The following EPHX1 variants were observed in gnomAD, a reference collection of about 807,000 sequenced individuals.
EPHX1 encodes epoxide hydratase.
In EPHX1, 40 loss-of-function variants were observed where a neutral mutation model predicts 43.2. The observed-to-expected ratio is 0.93, with a 90% CI of 0.72 to 1.21. The LOEUF is 1.21. EPHX1 is among the 50% of genes most tolerant of loss of function. The pLI is 0.00. For synonymous variants in EPHX1, 221 were observed against 226.7 expected (o/e 0.98, Z 0.22); for missense variants, 550 against 570.4 (o/e 0.96, Z 0.36).
chr1:225,814,496 G>T (rs1666629123), intron 1 of EPHX1, among the ~76,000 whole-genome samples: 1 of 152,250 alleles, frequency 6.6e-6, no homozygotes, highest in African/African-American at 2.4e-5. Context: ...GCGGTTGGGG[G>T]TGCCCAGACA....
At chr1:225,829,004 C>T (rs1215699983) in intron 2 of EPHX1, 92 bp downstream of exon 2, 100 of 1,428,596 alleles carry the variant, frequency 7.0e-5, no homozygotes, top group Non-Finnish European at 9.3e-5. Context: ...CGGGAGGGGA[C>T]GGGGGCTTGG....
chr1:225,839,366 GGTGTGTGTGTGTGTGTGTGTGTGTGT>G lies in EPHX1; in HGVS notation c.722+31_722+56del. 5.8e-6 allele frequency: 9 copies of G among 1,559,614 alleles called. No homozygotes were observed. The highest frequency in any genetic ancestry group is 2.8e-5 in the African/African-American group (2 of 70,516). On this transcript the variant is annotated intron_variant, in intron 5 of 8. Transcript: ENST00000272167. ...GCCCAGGTGAGGTCACTGTTGGGGT[GGTGTGTGTGTGTGTGTGTGTGTGTGT>G]GTGTGTGTGTCCTCTAAGAAGTGGA... is the stretch of plus-strand genomic sequence containing the variant.
chr1:225,819,071 CA>C (rs71792528), intron 1 of EPHX1, among the ~76,000 whole-genome samples: 36,056 of 64,144 alleles, frequency 0.56, 11,003 homozygotes, highest in East Asian at 1. Flanking sequence ...GCTAAAAATA[CA>C]AAAAATTAGC....
At chr1:225,814,109 A>G (rs894606107) in intron 1 of EPHX1, among the ~76,000 whole-genome samples, 1 of 152,224 alleles carries the variant, frequency 6.6e-6, no homozygotes, top group Non-Finnish European at 1.5e-5. Context: ...TCTTTTTAAA[A>G]CAGAAAAAGT....
chr1:225,823,250 T>C (rs1212708279), intron 1 of EPHX1, among the ~76,000 whole-genome samples: 2 of 152,064 alleles, frequency 1.3e-5, no homozygotes, highest in Non-Finnish European at 1.5e-5. Context: ...CAGGCTGATA[T>C]TGAATTCCTG....
At chr1:225,830,704 A>AT (rs1248274218) in intron 2 of EPHX1, among the ~76,000 whole-genome samples, 1 of 152,098 alleles carries the variant, frequency 6.6e-6, no homozygotes, top group Admixed American at 6.5e-5. Flanking sequence ...ACTTCAAGTG[A>AT]TCCACCTGCC....
chr1:225,816,839 A>G (rs1218851809), intron 1 of EPHX1, among the ~76,000 whole-genome samples: 1 of 152,190 alleles, frequency 6.6e-6, no homozygotes, highest in Non-Finnish European at 1.5e-5. Context: ...GGCTCCCTCA[A>G]CCACATTGGC....
In EPHX1 at chr1:225,840,068, C is replaced by A. The variant is rs924981761; in HGVS notation, c.931+31C>A. 10 of 1,608,938 alleles carry A rather than the reference C, an allele frequency of 6.2e-6. No homozygotes were observed. In the African/African-American group the frequency reaches 1.3e-4, roughly 21 times the overall value. Reference sequence around the variant, plus strand: ...TGTGCTCAGGGGTCCTCGCCCACTGCCGGCTCCACTGGGGCAGGGAGACAC... The same window carrying A: ...TGTGCTCAGGGGTCCTCGCCCACTGACGGCTCCACTGGGGCAGGGAGACAC... On this transcript the variant is annotated intron_variant, in intron 6 of 8. Transcript: ENST00000272167.
chr1:225,828,614 G>T (rs1256480977), intron 1 of EPHX1, 111 bp from the exon 2 acceptor site: 5 of 881,036 alleles, frequency 5.7e-6, no homozygotes, highest in Non-Finnish European at 8.9e-6. Flanking sequence ...AATAAAATCA[G>T]GGACAGGGTT....
At chr1:225,823,491 T>G (rs1387334924) in intron 1 of EPHX1, among the ~76,000 whole-genome samples, 1 of 152,220 alleles carries the variant, frequency 6.6e-6, no homozygotes, top group Non-Finnish European at 1.5e-5. Flanking sequence ...TTCCCCAGAC[T>G]CAGTCACTCG....
At chr1:225,821,217 A>T (rs1666965311) in intron 1 of EPHX1, among the ~76,000 whole-genome samples, 1 of 152,128 alleles carries the variant, frequency 6.6e-6, no homozygotes, top group Non-Finnish European at 1.5e-5. Context: ...AACAAATATT[A>T]AGTTCCATTA....
chr1:225,833,074 C>T (rs998838538), intron 3 of EPHX1, among the ~76,000 whole-genome samples: 1 of 152,186 alleles, frequency 6.6e-6, no homozygotes, highest in African/African-American at 2.4e-5. Flanking sequence ...CTCACCACAG[C>T]CTCGAACTCC....
At chr1:225,813,244 GC>G (rs1180177497) in intron 1 of EPHX1, among the ~76,000 whole-genome samples, 1 of 152,184 alleles carries the variant, frequency 6.6e-6, no homozygotes, top group Admixed American at 6.5e-5. Context: ...GGTAGGGGAG[GC>G]AAAATCTTAA....
chr1:225,838,933 C>T, intron 4 of EPHX1, 52 bp downstream of exon 4: 1 of 1,570,822 alleles, frequency 6.4e-7, no homozygotes, highest in Non-Finnish European at 8.8e-7. Flanking sequence ...CAAGGGTGGG[C>T]CCGGTGTTCC....
intron 1 of EPHX1, among the ~76,000 whole-genome samples, chr1:225,827,722 T>C (rs546898450): frequency 1.3e-5 from 2 of 152,366 alleles, no homozygotes; most frequent in South Asian, 2.1e-4. Flanking sequence ...ACTGTGGCTA[T>C]GGCTGCACAT....
At chr1:225,825,129 T>G (rs74150522) in intron 1 of EPHX1, among the ~76,000 whole-genome samples, 151 of 152,304 alleles carry the variant, frequency 9.9e-4, no homozygotes, top group Middle Eastern at 6.8e-3. Context: ...GTGGGGGCCA[T>G]CATAATGCCC....
Position 225,845,415 on chromosome 1 carries a change from A to G in EPHX1, c.*68A>G. The G allele has an allele frequency of 2.0e-6, 3 of 1,481,664 alleles. No homozygotes were observed. The highest frequency in any genetic ancestry group is 2.7e-6 in the Non-Finnish European group (3 of 1,105,032). The allele number at this position is 1,481,664 out of a possible 1,614,324, so 91.8% of individuals were successfully genotyped here. A position where few individuals can be genotyped will look rare whatever the true frequency, so the allele number is the denominator to read the frequency against. On this transcript the variant is annotated 3_prime_UTR_variant, in exon 9 of 9. Coordinates refer to ENST00000272167, the MANE Select transcript of EPHX1 (RefSeq NM_001136018.4). Reference sequence around the variant, plus strand: ...CCTCCAGGCTTTTCTTGGGGAAGATACCCCTTTTCTGAGGAATGAGTTTGC... The same window carrying G: ...CCTCCAGGCTTTTCTTGGGGAAGATGCCCCTTTTCTGAGGAATGAGTTTGC...
intron 3 of EPHX1, among the ~76,000 whole-genome samples, chr1:225,837,992 C>T (rs376012878): frequency 1.5e-4 from 23 of 152,328 alleles, no homozygotes; most frequent in African/African-American, 5.1e-4. Flanking sequence ...CTCAGGAGAA[C>T]TGCTTTTTAC....
intron 3 of EPHX1, among the ~76,000 whole-genome samples, chr1:225,834,250 C>T (rs1667831129): frequency 6.8e-6 from 1 of 147,946 alleles, no homozygotes; most frequent in Admixed American, 6.8e-5. Flanking sequence ...ACTAAAAATA[C>T]AAAAATTAGC....
Sources: gnomAD v4.1 joint callset for allele counts (sites outside exome capture counted in the v4.1 genomes callset) on GRCh38, gnomAD v4.1.1 for gene constraint, MANE v1.5 for transcripts, NCBI Gene and HGNC (gene_info 2026-07-23, HGNC 2026-07-21) for gene names.